Variants in DMRT1 observed in about 807,000 individuals in gnomAD.
DMRT1 encodes doublesex and mab-3 related transcription factor 1, also known as doublesex- and mab-3-related transcription factor 1.
Under a neutral mutation model 32.3 loss-of-function variants are expected in DMRT1, and 7 were observed. The observed-to-expected ratio is 0.22, with a 90% CI of 0.12 to 0.41. DMRT1 has a LOEUF of 0.41. DMRT1 is among the 10% of genes least tolerant of loss of function. The probability of loss-of-function intolerance (pLI) is 1.00; values close to 1 mark genes in which losing one functional copy is unlikely to be tolerated. For missense variants in DMRT1, 625 were observed against 500.5 expected (o/e 1.25, Z -2.37); for synonymous variants, 278 against 206.1 (o/e 1.35, Z -2.99).
intron 4 of DMRT1, among the ~76,000 whole-genome samples, chr9:926,034 A>G (rs1047921113): frequency 7.9e-5 from 12 of 152,228 alleles, no homozygotes; most frequent in African/African-American, 2.9e-4. Flanking sequence ...TTTGGCTGTA[A>G]TGATGAGATA....
chr9:889,863 A>C (rs748007504), intron 2 of DMRT1, among the ~76,000 whole-genome samples: 5 of 152,176 alleles, frequency 3.3e-5, no homozygotes, highest in Non-Finnish European at 7.3e-5. Context: ...TAAGTGTCTA[A>C]AATGCCTTCC....
chr9:889,395 A>G (rs1184983396), intron 2 of DMRT1, among the ~76,000 whole-genome samples: 2 of 152,366 alleles, frequency 1.3e-5, no homozygotes, highest in Non-Finnish European at 1.5e-5. Flanking sequence ...TTATTTAAAT[A>G]TTGGTATGGA....
chr9:884,005 A>G (rs1260536716), intron 2 of DMRT1, among the ~76,000 whole-genome samples: 1 of 152,130 alleles, frequency 6.6e-6, no homozygotes, highest in Non-Finnish European at 1.5e-5. Context: ...ATATAAATTA[A>G]TCGTTTACAT....
chr9:876,310 C>T (rs1395934140), intron 2 of DMRT1, among the ~76,000 whole-genome samples: 2 of 152,080 alleles, frequency 1.3e-5, no homozygotes, highest in Non-Finnish European at 2.9e-5. Flanking sequence ...GGGCTTTGGG[C>T]CAGTGGGAAG....
chr9:898,080 A>G (rs1204154751), intron 3 of DMRT1, among the ~76,000 whole-genome samples: 1 of 152,158 alleles, frequency 6.6e-6, no homozygotes, highest in East Asian at 1.9e-4. Context: ...TGGATGGCTC[A>G]CTTTTTAACC....
intron 2 of DMRT1, among the ~76,000 whole-genome samples, chr9:868,600 A>G (rs897855845): frequency 3.9e-5 from 6 of 152,220 alleles, no homozygotes; most frequent in Non-Finnish European, 8.8e-5. Flanking sequence ...GTCTTGGGCC[A>G]TTGTACCTCC....
intron 4 of DMRT1, among the ~76,000 whole-genome samples, chr9:926,913 A>G (rs963004702): frequency 2.6e-5 from 4 of 152,216 alleles, no homozygotes. Flanking sequence ...CAAATCATCA[A>G]GTTGGCCAGT....
intron 2 of DMRT1, among the ~76,000 whole-genome samples, chr9:869,905 G>T (rs1191453546): frequency 1.3e-5 from 2 of 152,090 alleles, no homozygotes; most frequent in African/African-American, 4.8e-5. Flanking sequence ...TGTGGAGTTG[G>T]TGGGCGTCCT....
chr9:951,838 A>T (rs1241535503), intron 4 of DMRT1, among the ~76,000 whole-genome samples: 2 of 152,152 alleles, frequency 1.3e-5, no homozygotes, highest in South Asian at 2.1e-4. Context: ...TAGAGAAAAA[A>T]TGGCACCTTC....
intron 4 of DMRT1, among the ~76,000 whole-genome samples, chr9:966,194 A>G (rs1463021970): frequency 1.3e-5 from 2 of 152,206 alleles, no homozygotes; most frequent in African/African-American, 2.4e-5. Context: ...TGGAATTTAA[A>G]TGCATATAAC....
At chr9:859,180 T>A (rs184111982) in intron 2 of DMRT1, among the ~76,000 whole-genome samples, 130 of 152,318 alleles carry the variant, frequency 8.5e-4, no homozygotes, top group African/African-American at 2.9e-3. Context: ...TTCTTGGCTC[T>A]CTTAACTCCC....
At chr9:935,303 T>C (rs916648811) in intron 4 of DMRT1, among the ~76,000 whole-genome samples, 5 of 152,204 alleles carry the variant, frequency 3.3e-5, no homozygotes, top group East Asian at 3.8e-4. Context: ...TAACAGCAGA[T>C]TGGCAAACGA....
intron 4 of DMRT1, among the ~76,000 whole-genome samples, chr9:954,687 G>C (rs980191158): frequency 2.8e-4 from 42 of 152,228 alleles, no homozygotes; most frequent in African/African-American, 9.6e-4. Flanking sequence ...CTGTCGCCAA[G>C]CTGGAGTGCA....
intron 2 of DMRT1, among the ~76,000 whole-genome samples, chr9:891,187 T>TAA (rs774188236): frequency 7.5e-6 from 1 of 133,636 alleles, no homozygotes; most frequent in Non-Finnish European, 1.6e-5. Flanking sequence ...ACAAAAAAAT[T>TAA]AAAAAAAAAA....
intron 4 of DMRT1, among the ~76,000 whole-genome samples, chr9:959,003 G>C (rs986914701): frequency 6.6e-6 from 1 of 152,192 alleles, no homozygotes; most frequent in Non-Finnish European, 1.5e-5. Context: ...CTTCTGCAAG[G>C]CTGCTTTAAA....
intron 2 of DMRT1, among the ~76,000 whole-genome samples, chr9:882,696 G>A (rs568681139): frequency 4.1e-4 from 62 of 150,522 alleles, no homozygotes; most frequent in African/African-American, 1.4e-3. Flanking sequence ...GTATTTTCCC[G>A]TCATCTTCCT....
rs150341820 is a variant in DMRT1, at chr9:917,312, C to T, written c.967+405C>T. ...ATTTTAAAATTGAAGGCGTATTCAT[C>T]TTTTTGGCGAAAACAACATAATAAA... On this transcript the variant is annotated intron_variant, in intron 4 of 4. Coordinates refer to ENST00000382276, the MANE Select transcript of DMRT1 (RefSeq NM_021951.3). Among the ~76,000 whole-genome samples, 55 of 152,264 alleles carry T rather than the reference C, an allele frequency of 3.6e-4. No homozygotes were observed. In the East Asian group the frequency reaches 0.01, roughly 29 times the overall value.
At chr9:895,446 C>T (rs144033483) in intron 3 of DMRT1, among the ~76,000 whole-genome samples, 681 of 152,304 alleles carry the variant, frequency 4.5e-3, no homozygotes, top group African/African-American at 7.9e-3. Context: ...CAGGCTTCCT[C>T]AGTGGGGATT....
At chr9:887,995 T>G (rs868146140) in intron 2 of DMRT1, among the ~76,000 whole-genome samples, 13 of 152,184 alleles carry the variant, frequency 8.5e-5, no homozygotes, top group South Asian at 2.1e-4. Flanking sequence ...GAATAAATGA[T>G]TTTTGTAACA....
Sources: gnomAD v4.1 joint callset for allele counts (sites outside exome capture counted in the v4.1 genomes callset) on GRCh38, gnomAD v4.1.1 for gene constraint, MANE v1.5 for transcripts, NCBI Gene and HGNC (gene_info 2026-07-23, HGNC 2026-07-21) for gene names.